SLC24A2: variants seen among roughly 807,000 people sequenced by gnomAD.
The protein encoded by SLC24A2 is sodium/potassium/calcium exchanger 2.
In SLC24A2, 36 loss-of-function variants were observed where a neutral mutation model predicts 62.0. The ratio of observed to expected loss-of-function variants is 0.58; its 90% CI spans 0.44 to 0.77. The LOEUF is 0.77. SLC24A2 is among the 30% of genes least tolerant of loss of function. The probability of loss-of-function intolerance (pLI) is 0.00; values close to 1 mark genes in which losing one functional copy is unlikely to be tolerated. For synonymous variants in SLC24A2, 358 were observed against 294.0 expected (o/e 1.22, Z -2.23); for missense variants, 846 against 817.9 (o/e 1.03, Z -0.42).
the SLC24A2 span, among the ~76,000 whole-genome samples, chr9:20,167,496 T>C: frequency 6.6e-6 from 1 of 151,846 alleles, no homozygotes; most frequent in East Asian, 1.9e-4. Flanking sequence ...TAGATAGATA[T>C]AGGTAGGCAG....
At position 19,699,008 on chromosome 9, in the gene SLC24A2, G is replaced by A. The variant is rs536957346; in HGVS notation, c.931-76709C>T. 5.9e-5 allele frequency among the ~76,000 whole-genome samples: 9 copies of A among 152,280 alleles called. No homozygotes were observed. In the East Asian group the frequency reaches 9.7e-4, roughly 16 times the overall value. ...TTGTAATATTTTCAACAAATGTATT[G>A]AAAACTTGGCAAGTGTCTGGCTTAG... On this transcript the variant is annotated intron_variant, in intron 2 of 10. Coordinates refer to ENST00000341998, the MANE Select transcript of SLC24A2 (RefSeq NM_020344.4).
chr9:19,753,806 T>C (rs943205316), intron 2 of SLC24A2, among the ~76,000 whole-genome samples: 1 of 152,150 alleles, frequency 6.6e-6, no homozygotes, highest in Non-Finnish European at 1.5e-5. Context: ...TGGATATGTA[T>C]CGGACAGGGA....
chr9:19,677,381 G>A lies in SLC24A2; in HGVS notation c.931-55082C>T, dbSNP rs142105031. ...ACTTACAAGTAGGAAACTAAATGAT[G>A]AGAACACATGGACACAGGGAGGGGA... On this transcript the variant is annotated intron_variant, in intron 2 of 10. Coordinates refer to ENST00000341998, the MANE Select transcript of SLC24A2 (RefSeq NM_020344.4). 3.8e-4 allele frequency among the ~76,000 whole-genome samples: 58 copies of A among 152,292 alleles called. No individual in the cohort carries two copies. In the East Asian group the frequency reaches 6.2e-3, roughly 16 times the overall value.
the SLC24A2 span, among the ~76,000 whole-genome samples, chr9:19,897,835 C>T: frequency 3.9e-5 from 6 of 152,286 alleles, no homozygotes; most frequent in South Asian, 4.1e-4. Flanking sequence ...CAAATCTTTA[C>T]GATACCCAAA....
At chr9:20,144,505 G>C in the SLC24A2 span, among the ~76,000 whole-genome samples, 8 of 152,038 alleles carry the variant, frequency 5.3e-5, no homozygotes, top group African/African-American at 1.7e-4. Context: ...AAAGCCTCTC[G>C]GCACCCATTT....
At chr9:20,094,415 G>A in the SLC24A2 span, among the ~76,000 whole-genome samples, 3 of 152,192 alleles carry the variant, frequency 2.0e-5, no homozygotes, top group Admixed American at 2.0e-4. Context: ...GGAACTGCGA[G>A]TATTTGTGGT....
chr9:20,163,109 T>C, the SLC24A2 span, among the ~76,000 whole-genome samples: 1 of 152,066 alleles, frequency 6.6e-6, no homozygotes, highest in Admixed American at 6.6e-5. Context: ...CTATTCAACA[T>C]AGTGTTGGAA....
chr9:19,679,878 G>C (rs2180941), intron 2 of SLC24A2, among the ~76,000 whole-genome samples: 2,005 of 132,492 alleles, frequency 0.015, 45 homozygotes, highest in African/African-American at 0.048. Flanking sequence ...GTGTGTGTGT[G>C]TGTGTCTGTG....
At chr9:20,109,831 G>T in the SLC24A2 span, among the ~76,000 whole-genome samples, 2 of 152,182 alleles carry the variant, frequency 1.3e-5, no homozygotes, top group East Asian at 3.9e-4. Flanking sequence ...AACACACAAG[G>T]AGAGCACACA....
the SLC24A2 span, among the ~76,000 whole-genome samples, chr9:20,198,749 G>C: frequency 6.6e-6 from 1 of 150,598 alleles, no homozygotes; most frequent in Non-Finnish European, 1.5e-5. Context: ...TAGATACTTA[G>C]TAGCCTGGGT....
At chr9:19,900,845 T>G in the SLC24A2 span, among the ~76,000 whole-genome samples, 34 of 152,286 alleles carry the variant, frequency 2.2e-4, 1 homozygote, top group East Asian at 5.8e-3. Context: ...ATGCTCTTCA[T>G]CAATGGAAGA....
chr9:19,817,669 G>A, the SLC24A2 span, among the ~76,000 whole-genome samples: 5 of 151,878 alleles, frequency 3.3e-5, no homozygotes, highest in South Asian at 2.1e-4. Flanking sequence ...GTTTGATTAC[G>A]TGGCAAGTGA....
the SLC24A2 span, among the ~76,000 whole-genome samples, chr9:19,794,827 G>T: frequency 1.8e-3 from 273 of 151,984 alleles, no homozygotes; most frequent in Non-Finnish European, 3.4e-3. Context: ...TACAAAGGCA[G>T]GACAGCCCAC....
At chr9:19,936,637 A>G in the SLC24A2 span, among the ~76,000 whole-genome samples, 1 of 152,202 alleles carries the variant, frequency 6.6e-6, no homozygotes, top group Non-Finnish European at 1.5e-5. Context: ...TCTGATTAAC[A>G]GGTTTATATA....
chr9:19,937,095 C>T, the SLC24A2 span, among the ~76,000 whole-genome samples: 1 of 152,166 alleles, frequency 6.6e-6, no homozygotes, highest in Non-Finnish European at 1.5e-5. Context: ...CCTAAAAACA[C>T]ATACCGCATT....
At chr9:20,036,874 A>G in the SLC24A2 span, among the ~76,000 whole-genome samples, 11 of 149,410 alleles carry the variant, frequency 7.4e-5, no homozygotes, top group East Asian at 7.9e-4. Context: ...ATATGTATAT[A>G]TGTGTGTGTG....
intron 2 of SLC24A2, among the ~76,000 whole-genome samples, chr9:19,771,485 A>G (rs1226858719): frequency 6.6e-6 from 1 of 152,244 alleles, no homozygotes; most frequent in Non-Finnish European, 1.5e-5. Flanking sequence ...GTAGATTTGT[A>G]ATGGCCCTTC....
chr9:19,892,512 G>C, the SLC24A2 span, among the ~76,000 whole-genome samples: 1 of 152,120 alleles, frequency 6.6e-6, no homozygotes, highest in Admixed American at 6.6e-5. Context: ...CTGACTGCCT[G>C]CCTGATTCAA....
chr9:19,952,944 T>A, the SLC24A2 span, among the ~76,000 whole-genome samples: 1 of 152,108 alleles, frequency 6.6e-6, no homozygotes, highest in African/African-American at 2.4e-5. Context: ...AGTATAAGGC[T>A]ATTAACATTC....
Sources: gnomAD v4.1 joint callset for allele counts (sites outside exome capture counted in the v4.1 genomes callset) on GRCh38, gnomAD v4.1.1 for gene constraint, MANE v1.5 for transcripts, NCBI Gene and HGNC (gene_info 2026-07-23, HGNC 2026-07-21) for gene names.